Variants in GCLC observed in about 807,000 individuals in gnomAD.
GCLC encodes glutamate--cysteine ligase catalytic subunit.
In GCLC, 30 loss-of-function variants were observed where a neutral mutation model predicts 81.5. The ratio of observed to expected loss-of-function variants is 0.37; its 90% CI spans 0.28 to 0.50. The LOEUF (loss-of-function observed/expected upper bound fraction) is 0.50, where lower values mean the gene tolerates loss of function less well. Among genes scored for constraint, GCLC ranks in the 20% least tolerant of loss-of-function variants. The pLI is 0.96. For missense variants in GCLC, 556 were observed against 777.4 expected, an observed-to-expected ratio of 0.72 and a Z score of 3.39; for synonymous variants, 262 against 273.3, an observed-to-expected ratio of 0.96 and a Z score of 0.41.
chr6:53,543,170 A>C (rs532399329), intron 1 of GCLC, among the ~76,000 whole-genome samples: 19 of 152,358 alleles, frequency 1.2e-4, no homozygotes, highest in Admixed American at 2.0e-4. Context: ...AGGAAAACAG[A>C]GGTGAACAAG....
At chr6:53,541,844 T>C (rs993276100) in intron 1 of GCLC, among the ~76,000 whole-genome samples, 1 of 152,164 alleles carries the variant, frequency 6.6e-6, no homozygotes, top group Non-Finnish European at 1.5e-5. Flanking sequence ...CATTTACACA[T>C]TTTAAGGTAA....
chr6:53,527,151 T>C (rs1385310257), intron 1 of GCLC, among the ~76,000 whole-genome samples: 1 of 152,048 alleles, frequency 6.6e-6, no homozygotes, highest in Admixed American at 6.5e-5. Context: ...CTGGGAAGGA[T>C]CTCTATCCAG....
At chr6:53,542,811 T>C (rs538712977) in intron 1 of GCLC, among the ~76,000 whole-genome samples, 72 of 152,060 alleles carry the variant, frequency 4.7e-4, no homozygotes, top group African/African-American at 1.6e-3. Flanking sequence ...GAGTTTGAGA[T>C]CACCCTGACC....
At chr6:53,519,753 G>A (rs902754568) in intron 3 of GCLC, among the ~76,000 whole-genome samples, 2 of 152,084 alleles carry the variant, frequency 1.3e-5, no homozygotes, top group Non-Finnish European at 2.9e-5. Flanking sequence ...TCTGGGGGTG[G>A]AGAGAGAAGT....
intron 1 of GCLC, among the ~76,000 whole-genome samples, chr6:53,539,442 G>C (rs1763314913): frequency 6.6e-6 from 1 of 152,168 alleles, no homozygotes; most frequent in African/African-American, 2.4e-5. Context: ...ACGCACCTCT[G>C]TAAGACAATC....
intron 1 of GCLC, among the ~76,000 whole-genome samples, chr6:53,532,374 T>C (rs1216765352): frequency 6.6e-6 from 1 of 152,232 alleles, no homozygotes; most frequent in African/African-American, 2.4e-5. Flanking sequence ...GAACTATGTA[T>C]AAAGCGATCT....
At position 53,506,545 on chromosome 6, in the gene GCLC, CA is replaced by C. The variant is rs1245437009; in HGVS notation, c.1197+367del. ...AATAAATCTATGAGAAGTCTATCTA[CA>C]AAAAAAAAAGGTGATATGTCTGAAG... On this transcript the variant is annotated intron_variant, in intron 10 of 15. Transcript: ENST00000650454. The surrounding 1 kb of genome is among the most constrained non-coding windows in gnomAD (Gnocchi z 4.0). 1,762 of 218,320 alleles carry C rather than the reference CA, an allele frequency of 8.1e-3. No individual in the cohort carries two copies. The highest frequency in any genetic ancestry group is 0.016 in the South Asian group (287 of 17,530). The allele number at this position is 218,320 out of a possible 1,614,324, so 13.5% of individuals were successfully genotyped here.
At chr6:53,516,871 A>G (rs370422864) in intron 3 of GCLC, among the ~76,000 whole-genome samples, 2 of 152,132 alleles carry the variant, frequency 1.3e-5, no homozygotes, top group South Asian at 2.1e-4. Context: ...ATGAAGCTCC[A>G]TATTTATTCC....
chr6:53,508,121 A>ACTAT (rs1225439206), intron 8 of GCLC, among the ~76,000 whole-genome samples: 2 of 152,118 alleles, frequency 1.3e-5, no homozygotes, highest in African/African-American at 4.8e-5. Flanking sequence ...TAGGTCTAGG[A>ACTAT]TAGGGTCTGG....
At chr6:53,517,065 T>C (rs1175746211) in intron 3 of GCLC, among the ~76,000 whole-genome samples, 1 of 143,268 alleles carries the variant, frequency 7.0e-6, no homozygotes, top group Admixed American at 7.5e-5. Context: ...CTAGCTCATA[T>C]CTTTTAAAAA....
chr6:53,502,166 T>C (rs1208931860), intron 12 of GCLC, among the ~76,000 whole-genome samples: 2 of 152,220 alleles, frequency 1.3e-5, no homozygotes, highest in Non-Finnish European at 2.9e-5. Context: ...CTCATGGCAT[T>C]TGAAAAAAGA....
intron 12 of GCLC, among the ~76,000 whole-genome samples, chr6:53,503,960 TCTATAATA>T (rs1238015939): frequency 6.6e-6 from 1 of 152,184 alleles, no homozygotes; most frequent in East Asian, 1.9e-4. Context: ...ATAAGCACAA[TCTATAATA>T]CTTGTTTTAT....
chr6:53,518,600 G>A (rs1036371423), intron 3 of GCLC, among the ~76,000 whole-genome samples: 3 of 152,054 alleles, frequency 2.0e-5, no homozygotes, highest in Non-Finnish European at 2.9e-5. Flanking sequence ...CCATTCTCAA[G>A]GTAAAGGGCA....
intron 3 of GCLC, among the ~76,000 whole-genome samples, chr6:53,517,084 T>TC (rs1561943780): frequency 7.3e-6 from 1 of 137,204 alleles, no homozygotes. Context: ...AAAAAATTTT[T>TC]TTTTTTTTTT....
At chr6:53,538,977 A>G (rs1763307165) in intron 1 of GCLC, among the ~76,000 whole-genome samples, 1 of 152,234 alleles carries the variant, frequency 6.6e-6, no homozygotes, top group African/African-American at 2.4e-5. Flanking sequence ...CTGGACCTGG[A>G]GTCAGACAGA....
chr6:53,505,168 T>C, intron 12 of GCLC: 1 of 495,282 alleles, frequency 2.0e-6, no homozygotes, highest in Non-Finnish European at 3.6e-6. Context: ...GTGGATGAAA[T>C]CAATGTGTAG....
intron 6 of GCLC, 45 bp downstream of exon 6, chr6:53,514,159 G>C (rs747179245): frequency 6.2e-7 from 1 of 1,600,506 alleles, no homozygotes; most frequent in Admixed American, 1.7e-5. Context: ...TTAAAAAACA[G>C]AAATGGATGG....
intron 15 of GCLC, among the ~76,000 whole-genome samples, chr6:53,499,338 C>T (rs17882949): frequency 2.0e-3 from 303 of 152,236 alleles, no homozygotes; most frequent in Non-Finnish European, 3.1e-3. Context: ...GAGACTGCCT[C>T]AGAGGACTGT....
Position 53,500,271 on chromosome 6 carries a change from G to A in GCLC, c.1557C>T (p.Ser519=). The A allele has an allele frequency of 6.2e-7, 1 of 1,614,034 alleles. No homozygotes were observed. The stretch of plus-strand genomic sequence containing the variant: ...CCTTCCCATTGATGATGGTGTCTAT[G>A]CTCATGAGGGTGTACTCCTCTGCAG... ...ELAAEEYTLM[S]IDTIINGKEG... The change falls in exon 14 of 16, where the codon AGC becomes AGT. Residue 519 remains serine, a synonymous_variant. Coordinates refer to ENST00000650454, the MANE Select transcript of GCLC (RefSeq NM_001498.4).
Sources: allele counts gnomAD v4.1 joint callset (sites outside exome capture counted in the v4.1 genomes callset), GRCh38; gene constraint gnomAD v4.1.1; non-coding constraint Gnocchi (gnomAD v3.1); transcripts MANE v1.5; gene names NCBI Gene and HGNC (gene_info 2026-07-23, HGNC 2026-07-21).